The following KARS1 variants were observed in gnomAD, a reference collection of about 807,000 sequenced individuals.
KARS1 encodes lysyl-tRNA synthetase 1, also known as lysine--tRNA ligase.
KARS1 carries 50 observed loss-of-function variants against 63.9 expected under a neutral mutation model. That is an observed-to-expected ratio of 0.78 (90% CI 0.62 to 0.99). The LOEUF (loss-of-function observed/expected upper bound fraction) is 0.99. Ranked by LOEUF, KARS1 falls within the 50% of genes least tolerant of loss-of-function variation. The pLI is 0.00. For synonymous variants in KARS1, 320 were observed against 264.6 expected (o/e 1.21, Z -2.03); for missense variants, 816 against 754.5 (o/e 1.08, Z -0.95).
At chr16:75,645,958 A>G (rs1308630535) in intron 1 of KARS1, among the ~76,000 whole-genome samples, 1 of 152,162 alleles carries the variant, frequency 6.6e-6, no homozygotes, top group Non-Finnish European at 1.5e-5. Context: ...ATACAGTCCT[A>G]AAGTTCAATT....
chr16:75,645,309 G>A (rs2082268789), intron 1 of KARS1, among the ~76,000 whole-genome samples: 17 of 152,232 alleles, frequency 1.1e-4, no homozygotes, highest in Admixed American at 1.0e-3. Flanking sequence ...ATGGACTGTG[G>A]AGTCACAGGC....
intron 3 of KARS1, among the ~76,000 whole-genome samples, chr16:75,637,765 G>A (rs1389171947): frequency 1.5e-5 from 2 of 131,850 alleles, no homozygotes; most frequent in South Asian, 2.4e-4. Flanking sequence ...GGCAATAAGA[G>A]CAAAACTCAG....
intron 3 of KARS1, among the ~76,000 whole-genome samples, chr16:75,639,253 C>T (rs1232254516): frequency 6.6e-6 from 1 of 151,956 alleles, no homozygotes. Context: ...TCTGAGAATA[C>T]TGAACTAGAA....
In KARS1 at chr16:75,631,348, C is replaced by T. The variant is rs1597164786; in HGVS notation, c.1252+68G>A. The T allele has an allele frequency of 5.7e-6, 9 of 1,579,992 alleles. No homozygotes were observed. In the East Asian group the frequency reaches 2.0e-4, roughly 35 times the overall value. ...ATAGTGTGGGAAATTCTAGCTCTGA[C>T]CCAATCAAATTCAGAGCTGAACAGG... On this transcript the variant is annotated intron_variant, in intron 9 of 13. Transcript: ENST00000302445.
At chr16:75,635,363 G>A (rs888403576) in intron 6 of KARS1, 2 of 337,906 alleles carry the variant, frequency 5.9e-6, no homozygotes, top group African/African-American at 4.3e-5. Flanking sequence ...TTTGTTTTAT[G>A]GTACGTGTGT....
rs771095432 is a variant in KARS1, at chr16:75,634,245, C to CTTGG, written c.839_842dup (p.Lys281AsnfsTer26). On this transcript the variant is annotated frameshift_variant, in exon 7 of 14. Coordinates refer to ENST00000302445, the MANE Select transcript of KARS1 (RefSeq NM_005548.3). LOFTEE classifies it high-confidence loss of function. Reference sequence around the variant, plus strand: ...GCTCGTTGTGATAAGTGATGAAAGGCTTGGCCACGGCTCCCCCTGGGATGA... The same window carrying CTTGG: ...GCTCGTTGTGATAAGTGATGAAAGGCTTGGTTGGCCACGGCTCCCCCTGGGATGA... 6.2e-7 allele frequency: 1 copy of CTTGG among 1,614,062 alleles called. No individual in the cohort carries two copies. The highest frequency in any genetic ancestry group is 8.5e-7 in the Non-Finnish European group (1 of 1,179,930).
intron 6 of KARS1, 116 bp from the exon 7 acceptor site, chr16:75,634,408 G>T: frequency 9.4e-7 from 1 of 1,059,486 alleles, no homozygotes; most frequent in South Asian, 1.3e-5. Flanking sequence ...ATGTTAATAA[G>T]TTCAACAGTA....
intron 1 of KARS1, among the ~76,000 whole-genome samples, chr16:75,647,265 G>C (rs369347271): frequency 3.9e-5 from 6 of 152,376 alleles, no homozygotes; most frequent in East Asian, 3.8e-4. Context: ...GGAGGATGAA[G>C]CTAAGCAGGA....
Position 75,631,793 on chromosome 16 carries a change from C to T in KARS1, c.978G>A (p.Gly326=), listed in dbSNP as rs763362727. The T allele has an allele frequency of 1.9e-6, 3 of 1,614,162 alleles. No homozygotes were observed. Among genetic ancestry groups the T allele is most frequent in the East Asian group, 2.2e-5 (1 of 44,880 alleles). The change falls in exon 8 of 14, where the codon GGG becomes GGA. Residue 326 remains glycine, a synonymous_variant. Transcript: ENST00000302445. The part of the protein sequence containing the change: ...YEIGRQFRNE[G]IDLTHNPEFT... ...ACTCAGGATTGTGCGTCAAATCAATCCCCTCATTCCGGAACTGGCGTCCAA... is the reference window on the plus strand; with the variant it reads ...ACTCAGGATTGTGCGTCAAATCAATTCCCTCATTCCGGAACTGGCGTCCAA...
chr16:75,637,858 G>A (rs2082179347), intron 3 of KARS1, among the ~76,000 whole-genome samples: 1 of 142,988 alleles, frequency 7.0e-6, no homozygotes, highest in Non-Finnish European at 1.5e-5. Context: ...CTCCCTTCTA[G>A]GACAAGACCG....
intron 1 of KARS1, among the ~76,000 whole-genome samples, chr16:75,646,171 C>A (rs2082281167): frequency 2.0e-5 from 3 of 152,200 alleles, no homozygotes; most frequent in South Asian, 4.1e-4. Flanking sequence ...TAAGGTCCTA[C>A]CCAACTATAA....
chr16:75,631,137 G>A (rs1342089450), intron 10 of KARS1, 31 bp downstream of exon 10: 7 of 1,562,432 alleles, frequency 4.5e-6, no homozygotes, highest in Non-Finnish European at 6.2e-6. Context: ...CACCAGATGA[G>A]GACATGTACA....
chr16:75,631,493 C>T lies in KARS1; in HGVS notation c.1175G>A (p.Arg392Gln), dbSNP rs370244075. ...AAGCTCTTCTACCATGTTGATTCGC[C>T]GGAAGGGTGGGGTGAAGTCAACATC... ...AYDVDFTPPF[R>Q]RINMVEELEK... The change falls in exon 9 of 14, where the codon CGG becomes CAG. Residue 392 changes from arginine (R) to glutamine (Q), a missense_variant. Coordinates refer to ENST00000302445, the MANE Select transcript of KARS1 (RefSeq NM_005548.3). The T allele has an allele frequency of 7.0e-5, 113 of 1,614,132 alleles. 1 individual carries two copies. The highest frequency in any genetic ancestry group is 1.6e-4 in the Middle Eastern group (1 of 6,062).
intron 7 of KARS1, among the ~76,000 whole-genome samples, chr16:75,632,991 T>C (rs529283785): frequency 1.3e-5 from 2 of 152,240 alleles, no homozygotes; most frequent in Non-Finnish European, 2.9e-5. Context: ...CCTACCTCCA[T>C]TAACTAACCT....
rs138776538 is a variant in KARS1, at chr16:75,647,641, T to C, written c.-2A>G. 1.2e-6 allele frequency: 2 copies of C among 1,613,832 alleles called. No individual in the cohort carries two copies. Among genetic ancestry groups the C allele is most frequent in the South Asian group, 1.1e-5 (1 of 91,060 alleles). On this transcript the variant is annotated 5_prime_UTR_variant, in exon 1 of 14. Coordinates refer to ENST00000302445, the MANE Select transcript of KARS1 (RefSeq NM_005548.3). ...CTCGGCCGCCTGCACGGCCGCCATC[T>C]TCCCGGAGGGCCCGACCCAAAAGTA... is the stretch of plus-strand genomic sequence containing the variant.
chr16:75,636,569 TACTG>T (rs1295968233), intron 3 of KARS1, 22 bp from the exon 4 acceptor site: 2 of 1,422,618 alleles, frequency 1.4e-6, no homozygotes, highest in Non-Finnish European at 2.0e-6. Context: ...AGAGCAAAAA[TACTG>T]ACTGACAGAA....
chr16:75,638,387 C>T (rs1028436679), intron 3 of KARS1, among the ~76,000 whole-genome samples: 7 of 151,998 alleles, frequency 4.6e-5, no homozygotes, highest in East Asian at 3.9e-4. Context: ...CCTCCCCGGT[C>T]CCCCCGCCCC....
chr16:75,644,788 T>C (rs1201717418), intron 1 of KARS1, among the ~76,000 whole-genome samples: 20 of 152,178 alleles, frequency 1.3e-4, no homozygotes, highest in Admixed American at 1.3e-3. Flanking sequence ...AGCCCTGAAG[T>C]GTGGTTTCTC....
In KARS1 at chr16:75,634,256, C is replaced by T; in HGVS notation, c.832G>A (p.Ala278Thr). The T allele has an allele frequency of 6.2e-7, 1 of 1,614,036 alleles. No homozygotes were observed. Among genetic ancestry groups the T allele is most frequent in the Non-Finnish European group, 8.5e-7 (1 of 1,179,920 alleles). ...TAAGTGATGAAAGGCTTGGCCACGG[C>T]TCCCCCTGGGATGATGTTCATCATG... is the stretch of plus-strand genomic sequence containing the variant. ...TPMMNIIPGG[A>T]VAKPFITYHN... Residue 278 changes from alanine (A) to threonine (T), a missense_variant, in exon 7 of 14, where the codon GCC (alanine) becomes ACC (threonine). Physicochemically the swap from Ala to Thr is moderately conservative, Grantham distance 58 (BLOSUM62 0). Coordinates refer to ENST00000302445, the MANE Select transcript of KARS1 (RefSeq NM_005548.3).
Sources: allele counts gnomAD v4.1 joint callset (sites outside exome capture counted in the v4.1 genomes callset), GRCh38; gene constraint gnomAD v4.1.1; transcripts MANE v1.5; gene names NCBI Gene and HGNC (gene_info 2026-07-23, HGNC 2026-07-21).